Variants in SMIM31 observed in about 807,000 individuals in gnomAD.
The protein encoded by SMIM31 is human epithelial cell program regulator.
At chr4:164,796,540 A>T (rs945716879) in intron 2 of SMIM31, among the ~76,000 whole-genome samples, 1 of 152,196 alleles carries the variant, frequency 6.6e-6, no homozygotes, top group Admixed American at 6.5e-5. Flanking sequence ...TTGTATCTCT[A>T]GCCTAGACCT....
chr4:164,782,469 C>T (rs1285276267), intron 2 of SMIM31, among the ~76,000 whole-genome samples: 2 of 145,082 alleles, frequency 1.4e-5, no homozygotes, highest in African/African-American at 5.2e-5. Context: ...AGCTCCGCTT[C>T]CCAGGTTCAC....
intron 1 of SMIM31, among the ~76,000 whole-genome samples, chr4:164,758,238 A>C (rs895038164): frequency 2.0e-5 from 3 of 152,196 alleles, no homozygotes; most frequent in Non-Finnish European, 2.9e-5. Context: ...TTGTATCCTA[A>C]GATGTTACTA....
chr4:164,763,385 C>T (rs886353802), intron 1 of SMIM31, among the ~76,000 whole-genome samples: 2 of 151,976 alleles, frequency 1.3e-5, no homozygotes, highest in African/African-American at 2.4e-5. Flanking sequence ...AAATTGAAAA[C>T]TAAAGTGTAC....
rs536287991 is a variant in SMIM31 at position 164,775,262 on chromosome 4, C to A, written c.112+4707C>A. Reference sequence around the variant, plus strand: ...ACTTCCCTAAGACCCATGAAGACTCCCTTGTTTACCTGAGCCTTGGACAAA... The same window carrying A: ...ACTTCCCTAAGACCCATGAAGACTCACTTGTTTACCTGAGCCTTGGACAAA... On this transcript the variant is annotated intron_variant, in intron 2 of 2. Coordinates refer to ENST00000507311, the MANE Select transcript of SMIM31 (RefSeq NM_001352885.1). 8.5e-5 allele frequency among the ~76,000 whole-genome samples: 13 copies of A among 152,284 alleles called. No homozygotes were observed. In the South Asian group the frequency reaches 2.7e-3, roughly 32 times the overall value.
chr4:164,760,150 G>A (rs1242449482), intron 1 of SMIM31, among the ~76,000 whole-genome samples: 2 of 152,180 alleles, frequency 1.3e-5, no homozygotes, highest in Non-Finnish European at 2.9e-5. Flanking sequence ...AGGAGAGAAA[G>A]TCAGAGACAA....
chr4:164,792,615 C>T (rs1165083321), intron 2 of SMIM31, among the ~76,000 whole-genome samples: 2 of 152,050 alleles, frequency 1.3e-5, no homozygotes, highest in East Asian at 1.9e-4. Flanking sequence ...TTTTGTTTAA[C>T]ATTATTAATT....
chr4:164,763,800 T>C (rs546656064), intron 1 of SMIM31, among the ~76,000 whole-genome samples: 1 of 152,332 alleles, frequency 6.6e-6, no homozygotes, highest in East Asian at 1.9e-4. Context: ...ATTAACCTAG[T>C]GGGTGTGTGT....
intron 2 of SMIM31, among the ~76,000 whole-genome samples, chr4:164,778,534 G>A (rs1181295665): frequency 6.6e-6 from 1 of 152,098 alleles, no homozygotes; most frequent in African/African-American, 2.4e-5. Flanking sequence ...AAGAACTGAC[G>A]ATATCTATAG....
rs1298662157 is a variant in SMIM31 at position 164,803,516 on chromosome 4, T to C, written c.*2322T>C. ...TGTTTATGAAATAGCTGCAAAAGGCTGAGCGTGGTGGCTCACGTCTGAAAT... is the reference window on the plus strand; with the variant it reads ...TGTTTATGAAATAGCTGCAAAAGGCCGAGCGTGGTGGCTCACGTCTGAAAT... On this transcript the variant is annotated 3_prime_UTR_variant, in exon 3 of 3. Coordinates refer to ENST00000507311, the MANE Select transcript of SMIM31 (RefSeq NM_001352885.1). 6.6e-6 allele frequency: 1 copy of C among 152,210 alleles called. No homozygotes were observed. The highest frequency in any genetic ancestry group is 1.5e-5 in the Non-Finnish European group (1 of 68,052). The allele number at this position is 152,210 out of a possible 1,614,324, so 9.4% of individuals were successfully genotyped here.
At chr4:164,760,821 G>A (rs578157619) in intron 1 of SMIM31, among the ~76,000 whole-genome samples, 2 of 151,340 alleles carry the variant, frequency 1.3e-5, no homozygotes, top group Non-Finnish European at 2.9e-5. Context: ...AAAGATAGGA[G>A]TCAAGGATGA....
At chr4:164,758,630 G>GTTTTTTTTTTTT (rs1210607914) in intron 1 of SMIM31, among the ~76,000 whole-genome samples, 5 of 96,638 alleles carry the variant, frequency 5.2e-5, no homozygotes, top group South Asian at 3.6e-4. Flanking sequence ...TCCTTTTTTT[G>GTTTTTTTTTTTT]TTTTTTTTTT....
chr4:164,785,004 G>T (rs1733009265), intron 2 of SMIM31, among the ~76,000 whole-genome samples: 1 of 151,598 alleles, frequency 6.6e-6, no homozygotes, highest in South Asian at 2.1e-4. Context: ...CGGGCGGATT[G>T]CCTGAGCTCA....
chr4:164,780,288 G>A (rs994250611), intron 2 of SMIM31, among the ~76,000 whole-genome samples: 5 of 152,154 alleles, frequency 3.3e-5, no homozygotes, highest in South Asian at 2.1e-4. Context: ...TTAGCCAGGC[G>A]TGGTGGCGCA....
At chr4:164,785,693 T>G (rs914936675) in intron 2 of SMIM31, among the ~76,000 whole-genome samples, 9 of 151,838 alleles carry the variant, frequency 5.9e-5, no homozygotes, top group African/African-American at 2.2e-4. Context: ...TATTCAGTGT[T>G]CAGCTATGCA....
At chr4:164,789,468 A>G (rs975898664) in intron 2 of SMIM31, among the ~76,000 whole-genome samples, 2 of 152,248 alleles carry the variant, frequency 1.3e-5, no homozygotes, top group Non-Finnish European at 2.9e-5. Flanking sequence ...AACGTTTTAA[A>G]TGATTGCATT....
intron 2 of SMIM31, among the ~76,000 whole-genome samples, chr4:164,786,742 T>C (rs780969119): frequency 1.3e-5 from 2 of 152,222 alleles, no homozygotes; most frequent in African/African-American, 2.4e-5. Flanking sequence ...AATTTTCCCT[T>C]ATCCCAAAGG....
chr4:164,760,954 T>G (rs1328762365), intron 1 of SMIM31, among the ~76,000 whole-genome samples: 3 of 152,162 alleles, frequency 2.0e-5, no homozygotes, highest in Non-Finnish European at 4.4e-5. Flanking sequence ...AAATAGTATG[T>G]ACAAGTCCAA....
Position 164,781,221 on chromosome 4 carries a change from G to A in SMIM31, c.112+10666G>A, listed in dbSNP as rs191902185. Among the ~76,000 whole-genome samples the A allele has an allele frequency of 5.3e-5, 8 of 152,120 alleles. No individual in the cohort carries two copies. In the East Asian group the frequency reaches 7.7e-4, roughly 15 times the overall value. On this transcript the variant is annotated intron_variant, in intron 2 of 2. Transcript: ENST00000507311. ...ATTCTCATATGTTGCTGGTGGGAAC[G>A]CAAAATGGTACAGCCAGTTTGGAAA... is the stretch of plus-strand genomic sequence containing the variant.
intron 1 of SMIM31, among the ~76,000 whole-genome samples, chr4:164,768,836 A>T (rs1335394846): frequency 6.6e-6 from 1 of 152,230 alleles, no homozygotes; most frequent in Non-Finnish European, 1.5e-5. Flanking sequence ...AATAGTCTTC[A>T]TATTCTCTGA....
Sources: gnomAD v4.1 joint callset for allele counts (sites outside exome capture counted in the v4.1 genomes callset) on GRCh38, gnomAD v4.1.1 for gene constraint, MANE v1.5 for transcripts, NCBI Gene and HGNC (gene_info 2026-07-23, HGNC 2026-07-21) for gene names.